The following DNAJB13 variants were observed in gnomAD, a reference collection of about 807,000 sequenced individuals.
DNAJB13 encodes dnaJ homolog subfamily B member 13.
Under a neutral mutation model 35.6 loss-of-function variants are expected in DNAJB13, and 22 were observed. The observed-to-expected ratio is 0.62, with a 90% CI of 0.44 to 0.88. DNAJB13 has a LOEUF of 0.88. DNAJB13 is among the 40% of genes least tolerant of loss of function. The pLI is 0.00. For missense variants in DNAJB13, 370 were observed against 384.3 expected, an observed-to-expected ratio of 0.96 and a Z score of 0.31; for synonymous variants, 136 against 144.2, an observed-to-expected ratio of 0.94 and a Z score of 0.41.
At chr11:73,967,995 T>G in intron 5 of DNAJB13, 1 of 422,366 alleles carries the variant, frequency 2.4e-6, no homozygotes, top group Non-Finnish European at 4.2e-6. Context: ...GGGACAGGGG[T>G]GTCATGCCTG....
At chr11:73,969,196 G>A (rs1258441839) in intron 6 of DNAJB13, 50 bp from the exon 7 acceptor site, 1 of 770,764 alleles carries the variant, frequency 1.3e-6, no homozygotes, top group African/African-American at 1.7e-5. Context: ...CTAAATAGGA[G>A]AGCCATGGTG....
At chr11:73,968,498 G>A in intron 6 of DNAJB13, 40 bp downstream of exon 6, 1 of 1,564,012 alleles carries the variant, frequency 6.4e-7, no homozygotes, top group Non-Finnish European at 8.8e-7. Context: ...GAGGAGATCA[G>A]AGTGAGCCCT....
At position 73,970,095 on chromosome 11, in the gene DNAJB13, G is replaced by A. The variant is rs369971791; in HGVS notation, c.932G>A (p.Arg311His). Residue 311 changes from arginine to histidine, a missense_variant, in exon 8 of 8, where the codon CGC (arginine) becomes CAC (histidine). Arg to His is a conservative substitution (Grantham distance 29). Transcript: ENST00000339764. ...RLTPQKKQML[R>H]QALLT ...ACACCCCAGAAGAAGCAGATGCTGC[G>A]CCAGGCATTGCTGACATGACTGTGG... is the stretch of plus-strand genomic sequence containing the variant. The A allele has an allele frequency of 7.5e-6, 12 of 1,606,354 alleles. No homozygotes were observed. The highest frequency in any genetic ancestry group is 1.3e-5 in the African/African-American group (1 of 74,794).
chr11:73,967,408 C>G (rs1951148653), intron 5 of DNAJB13, among the ~76,000 whole-genome samples: 2 of 152,184 alleles, frequency 1.3e-5, no homozygotes, highest in African/African-American at 2.4e-5. Flanking sequence ...AGGGAAGACA[C>G]ATTCCTTTGC....
chr11:73,966,497 A>G (rs1354411594), intron 5 of DNAJB13, among the ~76,000 whole-genome samples: 1 of 151,944 alleles, frequency 6.6e-6, no homozygotes, highest in African/African-American at 2.4e-5. Context: ...CAGAGTGGGA[A>G]ATGGGGGCCC....
intron 5 of DNAJB13, 190 bp from the exon 6 acceptor site, chr11:73,968,155 T>G: frequency 1.7e-6 from 1 of 606,032 alleles, no homozygotes; most frequent in Non-Finnish European, 3.0e-6. Flanking sequence ...CTGGGGGGAT[T>G]CATTTGGGTA....
At position 73,964,891 on chromosome 11, in the gene DNAJB13, A is replaced by G; in HGVS notation, c.348A>G (p.Ala116=). Residue 116 remains alanine (A), a synonymous_variant, in exon 4 of 8, where the codon GCA becomes GCG. Coordinates refer to ENST00000339764, the MANE Select transcript of DNAJB13 (RefSeq NM_153614.4). ...TACCTCCTGCAGAGTTTTTTGATGCAGAAGGAAGTGAGGTAGATTTGAACT... is the reference window on the plus strand; with the variant it reads ...TACCTCCTGCAGAGTTTTTTGATGCGGAAGGAAGTGAGGTAGATTTGAACT... ...GNNPFSEFFD[A]EGSEVDLNFG... The G allele has an allele frequency of 6.2e-7, 1 of 1,613,128 alleles. No individual in the cohort carries two copies.
At position 73,951,097 on chromosome 11, in the gene DNAJB13, G is replaced by T. The variant is rs746225940; in HGVS notation, c.28G>T (p.Gly10Trp). Reference protein sequence around the residue: MGQDYYSVLGITRNSEDAQI... With the variant: MGQDYYSVLWITRNSEDAQI... The stretch of plus-strand genomic sequence containing the variant: ...GGGCCAGGATTATTACTCTGTGCTC[G>T]GGATCACTCGCAATTCAGAGGATGC... Residue 10 changes from glycine to tryptophan, a missense_variant, in exon 1 of 8, where the codon GGG (glycine) becomes TGG (tryptophan). Transcript: ENST00000339764. 1.2e-6 allele frequency: 2 copies of T among 1,613,970 alleles called. No individual in the cohort carries two copies. Among genetic ancestry groups the T allele is most frequent in the African/African-American group, 2.7e-5 (2 of 74,940 alleles).
intron 1 of DNAJB13, among the ~76,000 whole-genome samples, chr11:73,952,629 C>T (rs1950614999): frequency 6.6e-6 from 1 of 152,102 alleles, no homozygotes; most frequent in Non-Finnish European, 1.5e-5. Context: ...ATGATGTCAC[C>T]CACTCTTCGG....
rs891754381 is a variant in DNAJB13, at chr11:73,969,165, G to A, written c.721-81G>A. On this transcript the variant is annotated intron_variant, in intron 6 of 7. Coordinates refer to ENST00000339764, the MANE Select transcript of DNAJB13 (RefSeq NM_153614.4). Reference sequence around the variant, plus strand: ...GTGCCCAACTCACAGTCTGGCACTGGACAGGTTCCTAAGGTGCCTTCTAAA... The same window carrying A: ...GTGCCCAACTCACAGTCTGGCACTGAACAGGTTCCTAAGGTGCCTTCTAAA... 3.8e-5 allele frequency: 26 copies of A among 691,988 alleles called. 1 individual carries two copies. Among genetic ancestry groups the A allele is most frequent in the Non-Finnish European group, 6.4e-5 (26 of 404,818 alleles). The allele number at this position is 691,988 out of a possible 1,614,324, so 42.9% of individuals were successfully genotyped here. A position where few individuals can be genotyped will look rare whatever the true frequency, so the allele number is the denominator to read the frequency against.
chr11:73,961,446 C>T (rs369895595), intron 3 of DNAJB13, among the ~76,000 whole-genome samples: 33 of 152,250 alleles, frequency 2.2e-4, no homozygotes, highest in South Asian at 1.7e-3. Context: ...GAAATGTCAC[C>T]GTTGCATTCC....
At chr11:73,969,721 C>T (rs1054317210) in intron 7 of DNAJB13, among the ~76,000 whole-genome samples, 1 of 151,362 alleles carries the variant, frequency 6.6e-6, no homozygotes, top group Non-Finnish European at 1.5e-5. Flanking sequence ...GTTTGCTCAC[C>T]TTTACTTCCC....
Position 73,970,243 on chromosome 11 carries a change from C to A in DNAJB13, c.*129C>A. On this transcript the variant is annotated 3_prime_UTR_variant, in exon 8 of 8. Coordinates refer to ENST00000339764, the MANE Select transcript of DNAJB13 (RefSeq NM_153614.4). ...GATACAAGGGTGGGATGGCGCAGGG[C>A]TTAAACTGACATAATAAAGATCTAT... The A allele has an allele frequency of 8.5e-7, 1 of 1,175,408 alleles. No homozygotes were observed. The allele number at this position is 1,175,408 out of a possible 1,614,324, so 72.8% of individuals were successfully genotyped here. A position where few individuals can be genotyped will look rare whatever the true frequency, so the allele number is the denominator to read the frequency against.
At chr11:73,968,197 T>C in intron 5 of DNAJB13, 148 bp from the exon 6 acceptor site, 1 of 689,554 alleles carries the variant, frequency 1.5e-6, no homozygotes, top group Non-Finnish European at 2.6e-6. Context: ...ATCTGGGCTA[T>C]GGGGGCCAAA....
intron 2 of DNAJB13, 88 bp from the exon 3 acceptor site, chr11:73,959,406 C>G (rs1426562229): frequency 6.7e-7 from 1 of 1,481,978 alleles, no homozygotes; most frequent in Admixed American, 2.0e-5. Context: ...TGCCCCTTCC[C>G]TTTCTCCATA....
intron 5 of DNAJB13, 45 bp downstream of exon 5, chr11:73,966,296 C>T (rs369677597): frequency 2.8e-5 from 44 of 1,557,486 alleles, no homozygotes; most frequent in African/African-American, 9.5e-5. Context: ...TGAGCTCAGG[C>T]GGTGGGAAGA....
In DNAJB13 at chr11:73,969,582, G is replaced by A. The variant is rs115599075; in HGVS notation, c.797+260G>A. Reference sequence around the variant, plus strand: ...GAGGCCCCCATTGTTGGGCAACCCTGTAGCCTCCATGCCCTGCAAACTTCT... The same window carrying A: ...GAGGCCCCCATTGTTGGGCAACCCTATAGCCTCCATGCCCTGCAAACTTCT... On this transcript the variant is annotated intron_variant, in intron 7 of 7. Coordinates refer to ENST00000339764, the MANE Select transcript of DNAJB13 (RefSeq NM_153614.4). 0.031 allele frequency among the ~76,000 whole-genome samples: 4,696 copies of A among 152,302 alleles called. 248 individuals carry two copies. The highest frequency in any genetic ancestry group is 0.11 in the African/African-American group (4,490 of 41,528).
chr11:73,968,492 AG>A (rs1951187955), intron 6 of DNAJB13, 34 bp downstream of exon 6: 2 of 1,582,930 alleles, frequency 1.3e-6, no homozygotes, highest in Non-Finnish European at 8.6e-7. Flanking sequence ...AGCGGGGAGG[AG>A]ATCAGAGTGA....
intron 3 of DNAJB13, 66 bp from the exon 4 acceptor site, chr11:73,964,812 T>TGTGA: frequency 8.6e-6 from 6 of 696,392 alleles, no homozygotes; most frequent in Middle Eastern, 4.5e-4. Flanking sequence ...TGTGTGTGTG[T>TGTGA]GCGCGCGCGC....
Sources: allele counts gnomAD v4.1 joint callset (sites outside exome capture counted in the v4.1 genomes callset), GRCh38; gene constraint gnomAD v4.1.1; transcripts MANE v1.5; gene names NCBI Gene and HGNC (gene_info 2026-07-23, HGNC 2026-07-21).